CHRM3: variants seen among roughly 807,000 people sequenced by gnomAD.
CHRM3 encodes muscarinic acetylcholine receptor M3.
CHRM3 carries 11 observed loss-of-function variants against 41.8 expected under a neutral mutation model. That is an observed-to-expected ratio of 0.26 (90% CI 0.17 to 0.44). The LOEUF (loss-of-function observed/expected upper bound fraction) is 0.44. CHRM3 is among the 20% of genes least tolerant of loss of function. The pLI is 1.00. For missense variants in CHRM3, 571 were observed against 745.4 expected (o/e 0.77, Z 2.72); for synonymous variants, 297 against 301.4 (o/e 0.99, Z 0.15).
intron 3 of CHRM3, chr1:239,546,538 C>T (rs957764463): frequency 2.6e-5 from 4 of 152,072 alleles, no homozygotes; most frequent in Admixed American, 6.6e-5. Context: ...TTATATGCTA[C>T]TTGCCTAAGA....
chr1:239,551,888 G>A lies in CHRM3; in HGVS notation c.-313+6139G>A, dbSNP rs537507383. ...TTTTAAGAGAAGAAAATAGGTGATA[G>A]GTTACTCCAGTTTTCAGCACATAAG... is the stretch of plus-strand genomic sequence containing the variant. On this transcript the variant is annotated intron_variant, in intron 3 of 6. Coordinates refer to ENST00000676153, the MANE Select transcript of CHRM3 (RefSeq NM_001375978.1). Among the ~76,000 whole-genome samples, 3 of 152,174 alleles carry A rather than the reference G, an allele frequency of 2.0e-5. No individual in the cohort carries two copies. In the South Asian group the frequency reaches 6.2e-4, roughly 32 times the overall value.
chr1:239,738,014 C>CA (rs1214164364), intron 5 of CHRM3, among the ~76,000 whole-genome samples: 2 of 151,722 alleles, frequency 1.3e-5, no homozygotes, highest in South Asian at 2.1e-4. Context: ...ACAACAACAA[C>CA]AACAAAAAAC....
At chr1:239,419,201 G>T (rs1661736385) in intron 1 of CHRM3, among the ~76,000 whole-genome samples, 1 of 152,098 alleles carries the variant, frequency 6.6e-6, no homozygotes, top group Non-Finnish European at 1.5e-5. Flanking sequence ...CTTTGTGAAG[G>T]CAGAAACATC....
intron 5 of CHRM3, among the ~76,000 whole-genome samples, chr1:239,819,171 C>A (rs1396306986): frequency 6.6e-6 from 1 of 152,184 alleles, no homozygotes; most frequent in Non-Finnish European, 1.5e-5. Context: ...TCCTTAAAAG[C>A]TCTACCTTGT....
chr1:239,444,154 A>C (rs1663946019), intron 1 of CHRM3, among the ~76,000 whole-genome samples: 1 of 152,058 alleles, frequency 6.6e-6, no homozygotes, highest in Non-Finnish European at 1.5e-5. Flanking sequence ...CATGAGGAAA[A>C]CGCCCGAGGC....
chr1:239,487,161 TGGA>T (rs781082181), intron 1 of CHRM3, among the ~76,000 whole-genome samples: 57 of 152,276 alleles, frequency 3.7e-4, no homozygotes, highest in Non-Finnish European at 7.2e-4. Flanking sequence ...CAGTAATAGA[TGGA>T]GGAGAAGTCC....
At chr1:239,674,880 G>A (rs947308928) in intron 4 of CHRM3, among the ~76,000 whole-genome samples, 4 of 151,972 alleles carry the variant, frequency 2.6e-5, no homozygotes, top group African/African-American at 9.7e-5. Flanking sequence ...CTGTTGAAAC[G>A]ATTTGGTGAA....
chr1:239,723,240 A>G (rs779989904), intron 5 of CHRM3, among the ~76,000 whole-genome samples: 3 of 151,986 alleles, frequency 2.0e-5, no homozygotes, highest in Non-Finnish European at 4.4e-5. Context: ...AATTCTGTTC[A>G]ATAAGGATAA....
chr1:239,830,411 G>A (rs1007035083), intron 6 of CHRM3, among the ~76,000 whole-genome samples: 2 of 152,180 alleles, frequency 1.3e-5, no homozygotes, highest in African/African-American at 4.8e-5. Flanking sequence ...ACATGGATAA[G>A]AGTTGCTTAC....
At chr1:239,804,341 T>TG (rs1022745443) in intron 5 of CHRM3, among the ~76,000 whole-genome samples, 8 of 59,644 alleles carry the variant, frequency 1.3e-4, no homozygotes, top group Non-Finnish European at 4.0e-4. Context: ...TCATTCATTG[T>TG]GTTTTTTTTT....
chr1:239,829,211 C>T (rs558586685), intron 6 of CHRM3, among the ~76,000 whole-genome samples: 2 of 152,246 alleles, frequency 1.3e-5, no homozygotes, highest in African/African-American at 4.8e-5. Context: ...CTAATTCCAA[C>T]AGTGGGAATT....
chr1:239,694,146 A>C (rs1288349786), intron 5 of CHRM3, among the ~76,000 whole-genome samples: 1 of 152,216 alleles, frequency 6.6e-6, no homozygotes, highest in Non-Finnish European at 1.5e-5. Flanking sequence ...TATATAACCT[A>C]GTTAGAGCAT....
At chr1:239,581,752 A>G (rs1027167026) in intron 3 of CHRM3, among the ~76,000 whole-genome samples, 2 of 152,222 alleles carry the variant, frequency 1.3e-5, no homozygotes, top group African/African-American at 4.8e-5. Context: ...GTCTTAGAAG[A>G]TGAAGTTACA....
intron 4 of CHRM3, among the ~76,000 whole-genome samples, chr1:239,671,422 T>G (rs1439975920): frequency 6.6e-6 from 1 of 152,136 alleles, no homozygotes; most frequent in Non-Finnish European, 1.5e-5. Context: ...CATTTTGTAT[T>G]AATTAGCTGG....
chr1:239,474,557 C>T (rs921042316), intron 1 of CHRM3, among the ~76,000 whole-genome samples: 1 of 151,990 alleles, frequency 6.6e-6, no homozygotes, highest in Non-Finnish European at 1.5e-5. Context: ...TGACTGGTGT[C>T]TAGTTATGCT....
At chr1:239,603,586 G>A (rs1409522977) in intron 3 of CHRM3, among the ~76,000 whole-genome samples, 3 of 152,070 alleles carry the variant, frequency 2.0e-5, no homozygotes, top group Non-Finnish European at 1.5e-5. Flanking sequence ...TGGTTTTATA[G>A]CCAGGGGCTT....
At chr1:239,581,413 T>A (rs978261532) in intron 3 of CHRM3, among the ~76,000 whole-genome samples, 1 of 149,888 alleles carries the variant, frequency 6.7e-6, no homozygotes. Flanking sequence ...TTAACATCAT[T>A]GCTTTTTCAT....
intron 5 of CHRM3, among the ~76,000 whole-genome samples, chr1:239,729,246 T>C (rs556016961): frequency 1.3e-5 from 2 of 152,038 alleles, no homozygotes; most frequent in Admixed American, 6.6e-5. Context: ...ATCTTCATCG[T>C]TGAGTGAACA....
chr1:239,871,210 T>TGTATAGG (rs1000581030), intron 6 of CHRM3, among the ~76,000 whole-genome samples: 1 of 152,162 alleles, frequency 6.6e-6, no homozygotes, highest in Admixed American at 6.5e-5. Flanking sequence ...CTATATCCTG[T>TGTATAGG]GTATAGGGTA....
Sources: allele counts gnomAD v4.1 joint callset (sites outside exome capture counted in the v4.1 genomes callset), GRCh38; gene constraint gnomAD v4.1.1; transcripts MANE v1.5; gene names NCBI Gene and HGNC (gene_info 2026-07-23, HGNC 2026-07-21).